The following ROBO2 variants were observed in gnomAD, a reference collection of about 807,000 sequenced individuals.
ROBO2 encodes the protein roundabout guidance receptor 2.
Under a neutral mutation model 160.8 loss-of-function variants are expected in ROBO2, and 53 were observed. The ratio of observed to expected loss-of-function variants is 0.33; its 90% CI spans 0.26 to 0.41. ROBO2 has a LOEUF of 0.41. Among genes scored for constraint, ROBO2 ranks in the 10% least tolerant of loss-of-function variants. The pLI, the probability that ROBO2 is intolerant of heterozygous loss-of-function variation, is 1.00. For missense variants in ROBO2, 1,577 were observed against 1,722.4 expected, an observed-to-expected ratio of 0.92 and a Z score of 1.49; for synonymous variants, 664 against 611.7, an observed-to-expected ratio of 1.09 and a Z score of -1.26.
At chr3:76,080,938 T>C (rs1258329828) in intron 2 of ROBO2, among the ~76,000 whole-genome samples, 1 of 152,164 alleles carries the variant, frequency 6.6e-6, no homozygotes, top group Non-Finnish European at 1.5e-5. Context: ...TTAATATTCC[T>C]TTATAAAAAT....
intron 22 of ROBO2, among the ~76,000 whole-genome samples, chr3:77,621,485 T>G (rs1424107867): frequency 6.6e-6 from 1 of 152,180 alleles, no homozygotes; most frequent in East Asian, 1.9e-4. Context: ...CATGATCTAT[T>G]TATTTCATAA....
intron 2 of ROBO2, among the ~76,000 whole-genome samples, chr3:77,242,357 G>T (rs1478436457): frequency 6.6e-6 from 1 of 152,012 alleles, no homozygotes; most frequent in Non-Finnish European, 1.5e-5. Context: ...TCTGTGGTAT[G>T]TATTCTATTT....
Position 76,440,408 on chromosome 3 carries a change from A to G in ROBO2, c.109+502806A>G, listed in dbSNP as rs531266363. ...AATGCTATCCCTCCCCTCTCCCCCA[A>G]CCCCACAACAGACCCCGGTGTGTGA... On this transcript the variant is annotated intron_variant, in intron 2 of 26. Coordinates refer to the ROBO2 transcript ENST00000487694. 4.6e-5 allele frequency among the ~76,000 whole-genome samples: 7 copies of G among 151,752 alleles called. No individual in the cohort carries two copies. The South Asian group carries it at 1.2e-3, about 27-fold the overall frequency.
At chr3:77,451,779 A>AT (rs2081139271) in intron 2 of ROBO2, among the ~76,000 whole-genome samples, 4 of 148,174 alleles carry the variant, frequency 2.7e-5, no homozygotes, top group East Asian at 2.0e-4. Flanking sequence ...TTTTTTTTTA[A>AT]TTTTTTTATT....
intron 2 of ROBO2, among the ~76,000 whole-genome samples, chr3:76,261,592 T>C (rs1474863596): frequency 6.6e-6 from 1 of 152,078 alleles, no homozygotes; most frequent in African/African-American, 2.4e-5. Flanking sequence ...AAAATCTATT[T>C]AATCATATGT....
chr3:77,304,304 G>T (rs2062907402), intron 2 of ROBO2, among the ~76,000 whole-genome samples: 1 of 152,190 alleles, frequency 6.6e-6, no homozygotes, highest in African/African-American at 2.4e-5. Context: ...CTCAGCAGAA[G>T]GTTGGCTGGT....
At chr3:77,481,944 G>C (rs983759706) in intron 4 of ROBO2, among the ~76,000 whole-genome samples, 1 of 152,036 alleles carries the variant, frequency 6.6e-6, no homozygotes, top group African/African-American at 2.4e-5. Flanking sequence ...GGTTGAAAGA[G>C]AGAGAAAATG....
intron 2 of ROBO2, among the ~76,000 whole-genome samples, chr3:76,893,613 G>A (rs182923412): frequency 1.3e-5 from 2 of 151,936 alleles, no homozygotes; most frequent in East Asian, 3.9e-4. Context: ...TAATGATCAA[G>A]TCAGGGTGTT....
intron 2 of ROBO2, among the ~76,000 whole-genome samples, chr3:76,556,363 C>T (rs1180803210): frequency 6.6e-6 from 1 of 152,062 alleles, no homozygotes; most frequent in African/African-American, 2.4e-5. Context: ...ATGTATTTTA[C>T]AAAGACAATA....
At chr3:77,015,140 A>T (rs1377158868) in intron 2 of ROBO2, among the ~76,000 whole-genome samples, 1 of 152,212 alleles carries the variant, frequency 6.6e-6, no homozygotes, top group Non-Finnish European at 1.5e-5. Context: ...GCGACTCATC[A>T]TAAGAGCCCT....
chr3:77,207,077 G>A (rs2083536653), intron 2 of ROBO2, among the ~76,000 whole-genome samples: 1 of 152,106 alleles, frequency 6.6e-6, no homozygotes, highest in Non-Finnish European at 1.5e-5. Flanking sequence ...ACAATCGTAT[G>A]CAAATATGGG....
intron 2 of ROBO2, among the ~76,000 whole-genome samples, chr3:76,334,917 A>C (rs2108074966): frequency 6.6e-6 from 1 of 152,280 alleles, no homozygotes; most frequent in African/African-American, 2.4e-5. Context: ...TAATTTGATT[A>C]TTACTCCTTG....
intron 2 of ROBO2, among the ~76,000 whole-genome samples, chr3:76,614,826 A>T (rs1157205617): frequency 1.3e-5 from 2 of 152,144 alleles, no homozygotes; most frequent in Non-Finnish European, 2.9e-5. Flanking sequence ...GTACTAAATA[A>T]CGGCTTGTTT....
At chr3:76,357,911 A>AT (rs1436238865) in intron 2 of ROBO2, among the ~76,000 whole-genome samples, 2 of 149,576 alleles carry the variant, frequency 1.3e-5, no homozygotes, top group African/African-American at 4.9e-5. Flanking sequence ...TATATATATA[A>AT]ATTTTAAATA....
chr3:77,602,283 C>T (rs1353415645), exon 20 of ROBO2: 11 of 1,613,976 alleles, frequency 6.8e-6, no homozygotes, highest in African/African-American at 1.3e-5. Flanking sequence ...TTTATAGTAG[C>T]ATTGACTTCA....
chr3:76,176,817 C>T (rs370879887), intron 2 of ROBO2, among the ~76,000 whole-genome samples: 145 of 152,092 alleles, frequency 9.5e-4, no homozygotes, highest in African/African-American at 2.2e-3. Context: ...CTCTATTAAT[C>T]TTTATAACCA....
chr3:77,354,096 G>A lies in ROBO2; in HGVS notation c.389-123318G>A, dbSNP rs2068722439. On this transcript the variant is annotated intron_variant, in intron 2 of 25. Coordinates refer to ENST00000461745, the Ensembl canonical transcript of ROBO2. ...CTCATTACTTTATTTACTGTAAGAT[G>A]TTGTTTGAGGATGTTGTTCTCTGCC... Among the ~76,000 whole-genome samples, 3 of 152,284 alleles carry A rather than the reference G, an allele frequency of 2.0e-5. No homozygotes were observed. The South Asian group carries it at 6.2e-4, about 32-fold the overall frequency.
rs1419217288 is a variant in ROBO2, at chr3:76,536,968, G to C, written c.110-561046G>C. Reference sequence around the variant, plus strand: ...GGCAGGTGGGGGAGAGCTAGTTGTGGAACGAAACTGTAAGCCAGACTGAGC... The same window carrying C: ...GGCAGGTGGGGGAGAGCTAGTTGTGCAACGAAACTGTAAGCCAGACTGAGC... On this transcript the variant is annotated intron_variant, in intron 2 of 26. Transcript: ENST00000487694. Among the ~76,000 whole-genome samples the C allele has an allele frequency of 2.0e-5, 3 of 152,076 alleles. No homozygotes were observed. In the East Asian group the frequency reaches 5.8e-4, roughly 29 times the overall value.
chr3:77,420,183 C>G (rs2077586517), intron 2 of ROBO2, among the ~76,000 whole-genome samples: 1 of 151,450 alleles, frequency 6.6e-6, no homozygotes, highest in Admixed American at 6.6e-5. Context: ...TCTCAGTCTA[C>G]AGTGGTTCCA....
Sources: allele counts gnomAD v4.1 joint callset (sites outside exome capture counted in the v4.1 genomes callset), GRCh38; gene constraint gnomAD v4.1.1; transcripts MANE v1.5; gene names NCBI Gene and HGNC (gene_info 2026-07-23, HGNC 2026-07-21).